BEST1: variants seen among roughly 807,000 people sequenced by gnomAD.
BEST1 encodes bestrophin-1.
In BEST1, 58 loss-of-function variants were observed where a neutral mutation model predicts 63.3. That is an observed-to-expected ratio of 0.92 (90% CI 0.74 to 1.14). The LOEUF (loss-of-function observed/expected upper bound fraction) is 1.14, where lower values mean the gene tolerates loss of function less well. Ranked by LOEUF, BEST1 falls within the 50% of genes most tolerant of loss-of-function variation. The probability of loss-of-function intolerance (pLI) is 0.00; values close to 1 mark genes in which losing one functional copy is unlikely to be tolerated. For synonymous variants in BEST1, 283 were observed against 291.6 expected (o/e 0.97, Z 0.30); for missense variants, 671 against 740.1 (o/e 0.91, Z 1.08).
Position 61,955,830 on chromosome 11 carries a change from AGGCC to A in BEST1, c.364_367del (p.Arg122CysfsTer41). The A allele has an allele frequency of 6.4e-7, 1 of 1,550,520 alleles. No homozygotes were observed. Among genetic ancestry groups the A allele is most frequent in the Non-Finnish European group, 8.7e-7 (1 of 1,146,910 alleles). On this transcript the variant is annotated frameshift_variant, in exon 4 of 11. Coordinates refer to ENST00000378043, the MANE Select transcript of BEST1 (RefSeq NM_004183.4). LOFTEE classifies it high-confidence loss of function. ...GCTTCGTCGAAGGCAAGGACGAGCA[AGGCC>A]GGCTGCTGCGGCGCACGCTCATCCG...
At chr11:61,958,656 G>A in intron 7 of BEST1, 1 of 531,268 alleles carries the variant, frequency 1.9e-6, no homozygotes, top group Non-Finnish European at 3.4e-6. Context: ...CAAGATGCCT[G>A]TTGGGCTGTC....
chr11:61,958,393 A>G, intron 7 of BEST1, 95 bp downstream of exon 7: 1 of 1,596,722 alleles, frequency 6.3e-7, no homozygotes, highest in Non-Finnish European at 8.5e-7. Flanking sequence ...CAGGAAAGGA[A>G]GGTCTCACGG....
In BEST1 at chr11:61,959,515, C is replaced by A. The variant is rs1941810660; in HGVS notation, c.885C>A (p.Ile295=). Residue 295 remains isoleucine, a synonymous_variant, in exon 8 of 11, where the codon ATC becomes ATA. Coordinates refer to ENST00000378043, the MANE Select transcript of BEST1 (RefSeq NM_004183.4). ...VGWLKVAEQL[I]NPFGEDDDDF... is the part of the protein sequence containing the mutation. ...TCCCCAAGGTGGCAGAGCAGCTCAT[C>A]AACCCCTTTGGAGAGGATGATGATG... The A allele has an allele frequency of 6.2e-7, 1 of 1,614,090 alleles. No homozygotes were observed. Among genetic ancestry groups the A allele is most frequent in the East Asian group, 2.2e-5 (1 of 44,898 alleles).
chr11:61,963,734 G>A (rs1281461671), intron 10 of BEST1: 13 of 1,163,272 alleles, frequency 1.1e-5, no homozygotes, highest in Non-Finnish European at 1.3e-5. Flanking sequence ...AGCAAAGGAT[G>A]TTAATATTTA....
intron 7 of BEST1, chr11:61,958,518 C>G (rs930470793): frequency 8.7e-7 from 1 of 1,142,962 alleles, no homozygotes; most frequent in African/African-American, 1.5e-5. Context: ...TGAGATCGTG[C>G]CACTGCACTC....
rs62639356 is a variant in BEST1, at chr11:61,957,381, C to T, written c.637-6C>T. 2,762 of 1,613,670 alleles carry T rather than the reference C, an allele frequency of 1.7e-3. 1 individual carries two copies. Among genetic ancestry groups the T allele is most frequent in the Middle Eastern group, 3.3e-3 (20 of 6,060 alleles). Reference sequence around the variant, plus strand: ...CAGAACCCCATCCCCCTCTTCTGCCCCCCAGGAGATGAACACCTTGCGTAC... The same window carrying T: ...CAGAACCCCATCCCCCTCTTCTGCCTCCCAGGAGATGAACACCTTGCGTAC... On this transcript the variant is annotated splice_region_variant and splice_polypyrimidine_tract_variant and intron_variant, in intron 5 of 10. Coordinates refer to ENST00000378043, the MANE Select transcript of BEST1 (RefSeq NM_004183.4).
intron 7 of BEST1, chr11:61,958,636 T>C: frequency 1.8e-6 from 1 of 561,740 alleles, no homozygotes; most frequent in Non-Finnish European, 3.2e-6. Context: ...CGGCACCACC[T>C]CTCCTTATTC....
rs1941251024 is a variant in BEST1 at position 61,955,740 on chromosome 11, G to T, written c.270G>T (p.Val90=). The part of the protein sequence containing the change: ...FVLGFYVTLV[V]TRWWNQYENL... ...CAGGCTTCTACGTGACGCTGGTCGT[G>T]ACCCGCTGGTGGAACCAGTACGAGA... Residue 90 remains valine (V), a synonymous_variant, in exon 4 of 11, where the codon GTG becomes GTT. Transcript: ENST00000378043. 1 of 1,548,364 alleles carries T rather than the reference G, an allele frequency of 6.5e-7. No individual in the cohort carries two copies. Among genetic ancestry groups the T allele is most frequent in the Non-Finnish European group, 8.7e-7 (1 of 1,146,808 alleles).
intron 2 of BEST1, among the ~76,000 whole-genome samples, chr11:61,952,436 T>C (rs916651908): frequency 4.0e-5 from 6 of 148,556 alleles, no homozygotes; most frequent in Admixed American, 4.0e-4. Context: ...TGTGAGCTAC[T>C]GCACTTGACC....
rs114944671 is a variant in BEST1 at position 61,955,487 on chromosome 11, C to T, written c.248-231C>T. On this transcript the variant is annotated intron_variant, in intron 3 of 10. Coordinates refer to ENST00000378043, the MANE Select transcript of BEST1 (RefSeq NM_004183.4). ...CTGCGCGGGAGGGGAGGGGGTCTGG[C>T]GGATTTCTGGGACCAGCAGGGGGAC... 3,948 of 1,204,302 alleles carry T rather than the reference C, an allele frequency of 3.3e-3. 120 individuals carry two copies. In the African/African-American group the frequency reaches 0.052, roughly 16 times the overall value. 74.6% of individuals were successfully genotyped at this position (1,204,302 alleles called of 1,614,324 possible). A position where few individuals can be genotyped will look rare whatever the true frequency, so the allele number is the denominator to read the frequency against.
At chr11:61,963,108 T>G in intron 10 of BEST1, 1 of 1,463,312 alleles carries the variant, frequency 6.8e-7, no homozygotes, top group South Asian at 1.5e-5. Flanking sequence ...TTCACCCTGG[T>G]ATCACCCGGA....
At chr11:61,958,111 AG>A in intron 6 of BEST1, 34 bp from the exon 7 acceptor site, 1 of 1,526,968 alleles carries the variant, frequency 6.5e-7, no homozygotes. Flanking sequence ...GTTCCCACCT[AG>A]CCCTTTGCTA....
rs1801393 is a variant in BEST1, at chr11:61,955,155, G to C, written c.201G>C (p.Leu67=). 25,028 of 1,614,182 alleles carry C rather than the reference G, an allele frequency of 0.016. 886 individuals are homozygous for C. The highest frequency in any genetic ancestry group is 0.14 in the Admixed American group (8,582 of 60,016). ...AGCTGATGTTTGAGAAACTGACTCT[G>C]TATTGCGACAGCTACATCCAGCTCA... is the stretch of plus-strand genomic sequence containing the variant. ...EQQLMFEKLT[L]YCDSYIQLIP... The change falls in exon 3 of 11, where the codon CTG becomes CTC. Residue 67 remains leucine, a synonymous_variant. Coordinates refer to ENST00000378043, the MANE Select transcript of BEST1 (RefSeq NM_004183.4).
intron 10 of BEST1, 167 bp from the exon 11 acceptor site, chr11:61,963,937 G>A: frequency 6.9e-7 from 1 of 1,447,096 alleles, no homozygotes; most frequent in Non-Finnish European, 9.2e-7. Context: ...GGTGGTGGTT[G>A]CAGTGAGATT....
At chr11:61,965,303 A>C (rs947702550), downstream of BEST1, 6 of 1,608,716 alleles carry the variant, frequency 3.7e-6, no homozygotes, top group African/African-American at 8.0e-5. Context: ...TGCTAGTTTA[A>C]GTGATTTCTG....
chr11:61,963,260 C>T (rs1458973852), intron 10 of BEST1: 1 of 1,377,134 alleles, frequency 7.3e-7, no homozygotes, highest in South Asian at 2.0e-5. Context: ...GGGTGGCTGA[C>T]CCAAAACCAT....
chr11:61,955,648 C>A (rs1941231866), intron 3 of BEST1, 70 bp from the exon 4 acceptor site: 5 of 1,473,642 alleles, frequency 3.4e-6, no homozygotes, highest in Non-Finnish European at 4.6e-6. Flanking sequence ...GAGGCATCGC[C>A]GGGCGCTGGG....
At position 61,951,967 on chromosome 11, in the gene BEST1, G is replaced by T; in HGVS notation, c.152+9G>T. On this transcript the variant is annotated intron_variant, in intron 2 of 10. Transcript: ENST00000378043. Reference sequence around the variant, plus strand: ...ATCCGCTTTATTTATAGGTAAAGCTGGCAGGGCTGGGCCGGGGGGCCTGGG... The same window carrying T: ...ATCCGCTTTATTTATAGGTAAAGCTTGCAGGGCTGGGCCGGGGGGCCTGGG... 6.2e-7 allele frequency: 1 copy of T among 1,613,318 alleles called. No homozygotes were observed. The highest frequency in any genetic ancestry group is 8.5e-7 in the Non-Finnish European group (1 of 1,179,908).
intron 3 of BEST1, 156 bp from the exon 4 acceptor site, chr11:61,955,562 G>A: frequency 9.7e-7 from 1 of 1,025,756 alleles, no homozygotes; most frequent in Non-Finnish European, 1.4e-6. Flanking sequence ...GCGAGGCTCT[G>A]CCTGCCTCTC....
Sources: allele counts gnomAD v4.1 joint callset (sites outside exome capture counted in the v4.1 genomes callset), GRCh38; gene constraint gnomAD v4.1.1; transcripts MANE v1.5; gene names NCBI Gene and HGNC (gene_info 2026-07-23, HGNC 2026-07-21).